Variants in TTC28 observed in about 807,000 individuals in gnomAD.
The protein encoded by TTC28 is tetratricopeptide repeat domain 28.
A neutral mutation model predicts 198.0 loss-of-function variants in TTC28; 61 were observed. The observed-to-expected ratio is 0.31, with a 90% confidence interval of 0.25 to 0.38. The LOEUF is 0.38. Among genes scored for constraint, TTC28 ranks in the 10% least tolerant of loss-of-function variants. The pLI is 1.00. For missense variants in TTC28, 2,678 were observed against 3,164.0 expected, an observed-to-expected ratio of 0.85 and a Z score of 3.69; for synonymous variants, 1,171 against 1,297.8, an observed-to-expected ratio of 0.90 and a Z score of 2.10.
chr22:28,181,928 A>G (rs2147106205), intron 5 of TTC28, among the ~76,000 whole-genome samples: 1 of 152,326 alleles, frequency 6.6e-6, no homozygotes, highest in Middle Eastern at 3.4e-3. Flanking sequence ...ACTCCATTCT[A>G]TGTAGCTCTT....
In TTC28 at chr22:28,107,126, C is replaced by T. The variant is rs772960214; in HGVS notation, c.2719G>A (p.Ala907Thr). 4.3e-5 allele frequency: 67 copies of T among 1,551,558 alleles called. No individual in the cohort carries two copies. The highest frequency in any genetic ancestry group is 9.8e-5 in the East Asian group (4 of 40,930). ...IKYYEQYLSV[A>T]QSLNRMQDQA... ...TCTTGCATGCGATTCAGACTCTGCG[C>T]GACAGATAAATATTGTTCATAGTAT... Residue 907 changes from alanine (A) to threonine (T), a missense_variant, in exon 7 of 23, where the codon GCG becomes ACG. Ala to Thr is a moderately conservative substitution (Grantham distance 58). Transcript: ENST00000397906.
At chr22:28,528,737 T>TTA (rs35181613) in intron 2 of TTC28, among the ~76,000 whole-genome samples, 2 of 89,950 alleles carry the variant, frequency 2.2e-5, no homozygotes, top group African/African-American at 1.0e-4. Context: ...CCCTGTCTCA[T>TTA]AAAAAAAAAA....
intron 2 of TTC28, among the ~76,000 whole-genome samples, chr22:28,593,153 T>A (rs1569046473): frequency 6.6e-6 from 1 of 152,178 alleles, no homozygotes; most frequent in African/African-American, 2.4e-5. Flanking sequence ...TTCCCAGAGA[T>A]GCTTCATAAT....
intron 12 of TTC28, among the ~76,000 whole-genome samples, chr22:28,049,728 G>T (rs981872827): frequency 5.9e-5 from 9 of 152,140 alleles, no homozygotes; most frequent in African/African-American, 2.2e-4. Flanking sequence ...TGTGGTAAGG[G>T]CACAAGATGA....
At chr22:28,401,838 A>G (rs2146104224) in intron 2 of TTC28, among the ~76,000 whole-genome samples, 1 of 152,318 alleles carries the variant, frequency 6.6e-6, no homozygotes, top group Middle Eastern at 3.4e-3. Context: ...CATAGACATA[A>G]TCAATTAATT....
At chr22:28,553,857 C>A in intron 2 of TTC28, among the ~76,000 whole-genome samples, 1 of 152,268 alleles carries the variant, frequency 6.6e-6, no homozygotes, top group Non-Finnish European at 1.5e-5. Flanking sequence ...CTGGCCACCA[C>A]CCCGTCTGGG....
chr22:28,251,837 T>C (rs1930534718), intron 5 of TTC28, among the ~76,000 whole-genome samples: 1 of 152,134 alleles, frequency 6.6e-6, no homozygotes, highest in Non-Finnish European at 1.5e-5. Context: ...TCTCTCTCTC[T>C]CAGTATTCCA....
Position 28,597,592 on chromosome 22 carries a change from ATATGCACTGCAC to A in TTC28, c.381+31948_381+31959del, listed in dbSNP as rs1426211057. On this transcript the variant is annotated intron_variant, in intron 2 of 22. Coordinates refer to ENST00000397906, the MANE Select transcript of TTC28 (RefSeq NM_001145418.2). ...AGAAGTGACTTAGAAATACACTGTA[ATATGCACTGCAC>A]TATTTCCAGTCCACCATGAATATCA... Among the ~76,000 whole-genome samples the A allele has an allele frequency of 2.0e-5, 3 of 152,178 alleles. No individual in the cohort carries two copies. The South Asian group carries it at 6.2e-4, about 32-fold the overall frequency.
intron 12 of TTC28, among the ~76,000 whole-genome samples, chr22:28,071,567 CTCTGGGG>C (rs1940968456): frequency 1.4e-5 from 2 of 143,444 alleles, no homozygotes; most frequent in African/African-American, 5.2e-5. Flanking sequence ...GAATATCACA[CTCTGGGG>C]ACTGTGGTGG....
At chr22:28,379,839 C>A (rs1223724913) in intron 2 of TTC28, among the ~76,000 whole-genome samples, 1 of 152,018 alleles carries the variant, frequency 6.6e-6, no homozygotes, top group African/African-American at 2.4e-5. Context: ...TCAGCAACAG[C>A]AGGCCTTCAC....
intron 12 of TTC28, among the ~76,000 whole-genome samples, chr22:28,038,983 CCAG>C (rs1485533293): frequency 2.0e-5 from 3 of 152,274 alleles, no homozygotes; most frequent in African/African-American, 7.2e-5. Flanking sequence ...CCATCTCACA[CCAG>C]TTAGAATGGC....
chr22:28,211,374 T>A (rs1926942346), intron 5 of TTC28, among the ~76,000 whole-genome samples: 1 of 152,112 alleles, frequency 6.6e-6, no homozygotes. Flanking sequence ...CAGTGTGCTG[T>A]ATTCAGGAGA....
At chr22:27,987,561 G>T (rs2092054) in intron 21 of TTC28, among the ~76,000 whole-genome samples, 2 of 152,006 alleles carry the variant, frequency 1.3e-5, no homozygotes, top group African/African-American at 2.4e-5. Context: ...GCGAACCCCT[G>T]TGTCTACAAA....
intron 5 of TTC28, among the ~76,000 whole-genome samples, chr22:28,235,254 CAG>C (rs1929149969): frequency 6.6e-6 from 1 of 152,088 alleles, no homozygotes; most frequent in African/African-American, 2.4e-5. Context: ...ATGAAGAGAC[CAG>C]AGAAGAAAGT....
intron 6 of TTC28, among the ~76,000 whole-genome samples, chr22:28,135,596 T>C (rs1943180481): frequency 6.6e-6 from 1 of 152,150 alleles, no homozygotes; most frequent in South Asian, 2.1e-4. Context: ...CTGATGACTT[T>C]AGCAAAAATA....
chr22:28,589,825 G>A (rs933249967), intron 2 of TTC28, among the ~76,000 whole-genome samples: 1 of 151,836 alleles, frequency 6.6e-6, no homozygotes, highest in Non-Finnish European at 1.5e-5. Flanking sequence ...AGATCACGAG[G>A]TCAGGAGTTC....
intron 2 of TTC28, among the ~76,000 whole-genome samples, chr22:28,555,709 C>T (rs1397117638): frequency 6.6e-6 from 1 of 151,904 alleles, no homozygotes; most frequent in Non-Finnish European, 1.5e-5. Context: ...GTGGGGGGTG[C>T]TGAGGGATAA....
rs533499078 is a variant in TTC28, at chr22:28,037,646, T to C, written c.3933-7280A>G. Among the ~76,000 whole-genome samples, 17 of 152,236 alleles carry C rather than the reference T, an allele frequency of 1.1e-4. No individual in the cohort carries two copies. In the East Asian group the frequency reaches 1.4e-3, roughly 12 times the overall value. On this transcript the variant is annotated intron_variant, in intron 12 of 22. Coordinates refer to ENST00000397906, the MANE Select transcript of TTC28 (RefSeq NM_001145418.2). ...CCTCTCTCACCACTCCTATTCAACA[T>C]AGTGTTGGAAGTTCTGGCCAGGGCA...
chr22:28,295,416 G>A lies in TTC28; in HGVS notation c.933+782C>T, dbSNP rs901252366. Among the ~76,000 whole-genome samples the A allele has an allele frequency of 3.9e-5, 6 of 152,096 alleles. No homozygotes were observed. The South Asian group carries it at 1.2e-3, about 32-fold the overall frequency. On this transcript the variant is annotated intron_variant, in intron 5 of 22. Transcript: ENST00000397906. ...CATTTATGGAATTCCTTTGTGGAATGCCATTATGGAAATCCTGGCACCATG... is the reference window on the plus strand; with the variant it reads ...CATTTATGGAATTCCTTTGTGGAATACCATTATGGAAATCCTGGCACCATG...
Sources: gnomAD v4.1 joint callset for allele counts (sites outside exome capture counted in the v4.1 genomes callset) on GRCh38, gnomAD v4.1.1 for gene constraint, MANE v1.5 for transcripts, NCBI Gene and HGNC (gene_info 2026-07-23, HGNC 2026-07-21) for gene names.